The following NUP160 variants were observed in gnomAD, a reference collection of about 807,000 sequenced individuals.
NUP160 encodes the protein nuclear pore complex protein Nup160.
In NUP160, 94 loss-of-function variants were observed where a neutral mutation model predicts 196.9. The observed-to-expected ratio is 0.48, with a 90% confidence interval of 0.40 to 0.57. The LOEUF is 0.57. Ranked by LOEUF, NUP160 falls within the 20% of genes least tolerant of loss-of-function variation. The pLI is 0.00. For missense variants in NUP160, 1,638 were observed against 1,748.3 expected, an observed-to-expected ratio of 0.94 and a Z score of 1.13; for synonymous variants, 605 against 619.7, an observed-to-expected ratio of 0.98 and a Z score of 0.35.
At chr11:47,838,983 G>A (rs557647936) in intron 4 of NUP160, among the ~76,000 whole-genome samples, 6 of 146,900 alleles carry the variant, frequency 4.1e-5, no homozygotes, top group African/African-American at 1.5e-4. Flanking sequence ...CAGCCTGGGC[G>A]ACAGAGAGAA....
At chr11:47,837,072 G>T in intron 5 of NUP160, 71 bp from the exon 6 acceptor site, 1 of 826,466 alleles carries the variant, frequency 1.2e-6, no homozygotes, top group Non-Finnish European at 2.0e-6. Flanking sequence ...TGCAATTCAA[G>T]AAATATAATA....
At chr11:47,815,593 T>A (rs752234780) in exon 13 of NUP160, 1 of 1,612,880 alleles carries the variant, frequency 6.2e-7, no homozygotes, top group Admixed American at 1.7e-5. Flanking sequence ...AGAATTCTTG[T>A]TGTAAATTTC....
intron 20 of NUP160, among the ~76,000 whole-genome samples, chr11:47,805,505 C>T (rs529845160): frequency 2.0e-3 from 290 of 143,126 alleles, no homozygotes; most frequent in Middle Eastern, 0.017. Flanking sequence ...AGTGCAGTGG[C>T]GCAATCTCGG....
intron 7 of NUP160, among the ~76,000 whole-genome samples, chr11:47,832,465 T>C (rs1226982488): frequency 6.6e-6 from 1 of 152,200 alleles, no homozygotes; most frequent in Admixed American, 6.5e-5. Context: ...AACATCACCA[T>C]TGTAGCACCT....
At chr11:47,792,548 GTCT>G (rs1343609174) in intron 28 of NUP160, 1 of 414,814 alleles carries the variant, frequency 2.4e-6, no homozygotes, top group East Asian at 4.6e-5. Context: ...ATTGGGTCAG[GTCT>G]AACTCCAAAA....
chr11:47,806,531 A>G, intron 19 of NUP160: 1 of 458,918 alleles, frequency 2.2e-6, no homozygotes, highest in Non-Finnish European at 3.9e-6. Flanking sequence ...CATCAAAGTT[A>G]TAGTCATTTC....
At chr11:47,807,559 C>G (rs2097678446) in intron 18 of NUP160, among the ~76,000 whole-genome samples, 1 of 151,920 alleles carries the variant, frequency 6.6e-6, no homozygotes, top group African/African-American at 2.4e-5. Context: ...CTCAGCTACT[C>G]TGGAAGCTGA....
intron 34 of NUP160, among the ~76,000 whole-genome samples, chr11:47,782,574 T>C (rs1002046345): frequency 4.0e-5 from 6 of 151,480 alleles, no homozygotes; most frequent in Admixed American, 1.3e-4. Context: ...TAATACACTG[T>C]TGAATATCTT....
chr11:47,812,941 G>A lies in NUP160; in HGVS notation c.1893C>T (p.Asn631=), dbSNP rs768024395. 11 of 1,613,430 alleles carry A rather than the reference G, an allele frequency of 6.8e-6. No individual in the cohort carries two copies. In the East Asian group the frequency reaches 1.6e-4, roughly 23 times the overall value. Residue 631 remains asparagine, a synonymous_variant, in exon 15 of 36, where the codon AAC becomes AAT. Transcript: ENST00000378460. ...CTGCAGCCTTTTCCGGAGACTGTAG[G>A]TTATAACAACTCATTTCCATTATAA...
chr11:47,785,549 C>A (rs1226489078), intron 32 of NUP160, among the ~76,000 whole-genome samples: 1 of 152,140 alleles, frequency 6.6e-6, no homozygotes, highest in Non-Finnish European at 1.5e-5. Flanking sequence ...GTCTTGGGTT[C>A]GTATATTCCT....
chr11:47,797,420 G>A (rs1249248053), intron 27 of NUP160, among the ~76,000 whole-genome samples: 1 of 151,966 alleles, frequency 6.6e-6, no homozygotes, highest in African/African-American at 2.4e-5. Context: ...TGTATTTTTA[G>A]TAGAGAAGGG....
intron 7 of NUP160, 86 bp from the exon 8 acceptor site, chr11:47,822,250 T>G: frequency 1.1e-6 from 1 of 931,566 alleles, no homozygotes; most frequent in Non-Finnish European, 1.6e-6. Flanking sequence ...TTCAGAAACC[T>G]TTAAAAAAAA....
intron 6 of NUP160, among the ~76,000 whole-genome samples, chr11:47,836,322 T>C (rs1852174947): frequency 6.6e-6 from 1 of 152,206 alleles, no homozygotes; most frequent in African/African-American, 2.4e-5. Flanking sequence ...AGATCAGACT[T>C]ATATAAAATA....
intron 4 of NUP160, chr11:47,839,439 T>A (rs1852250925): frequency 5.0e-6 from 1 of 198,284 alleles, no homozygotes; most frequent in Non-Finnish European, 1.0e-5. Context: ...TGAAGAGGGT[T>A]AAGACAGATC....
chr11:47,813,046 A>T lies in NUP160; in HGVS notation c.1788T>A (p.Asp596Glu), dbSNP rs375035297. The change falls in exon 15 of 36, where the codon GAT (aspartate) becomes GAA (glutamate). Residue 596 changes from aspartate (D) to glutamate (E), a missense_variant and splice_region_variant. Around this residue, in one of 3 missense-constraint regions of NUP160, gnomAD observed 1,345 missense variants for 1,470.2 expected, o/e 0.91. Coordinates refer to ENST00000378460, the Ensembl canonical transcript of NUP160. Reference sequence around the variant, plus strand: ...ATATGACATCCCGAGCGATGTCCACATCTACAAATAAGAGAAAGTTAACAT... The same window carrying T: ...ATATGACATCCCGAGCGATGTCCACTTCTACAAATAAGAGAAAGTTAACAT... The T allele has an allele frequency of 4.5e-5, 71 of 1,590,608 alleles. No individual in the cohort carries two copies. Among genetic ancestry groups the T allele is most frequent in the Non-Finnish European group, 6.1e-5 (71 of 1,163,062 alleles).
intron 7 of NUP160, among the ~76,000 whole-genome samples, chr11:47,832,253 T>C (rs557461426): frequency 1.3e-5 from 2 of 152,238 alleles, no homozygotes; most frequent in South Asian, 4.1e-4. Context: ...TTCCTGAGCA[T>C]GGGCAAGGCT....
At chr11:47,820,617 T>C (rs1340431858) in intron 9 of NUP160, among the ~76,000 whole-genome samples, 3 of 152,104 alleles carry the variant, frequency 2.0e-5, no homozygotes, top group Admixed American at 1.3e-4. Flanking sequence ...AATGGCATGA[T>C]CTTGGCTCAC....
chr11:47,802,422 G>C (rs1321067513), intron 22 of NUP160, among the ~76,000 whole-genome samples: 2 of 151,750 alleles, frequency 1.3e-5, no homozygotes, highest in Non-Finnish European at 2.9e-5. Context: ...CTGGGTGACA[G>C]AGCAAGACTG....
At chr11:47,780,770 G>A (rs2097660283) in intron 34 of NUP160, among the ~76,000 whole-genome samples, 1 of 151,722 alleles carries the variant, frequency 6.6e-6, no homozygotes, top group South Asian at 2.1e-4. Context: ...TCAAACTCCT[G>A]GCCTCAAGTG....
Sources: allele counts gnomAD v4.1 joint callset (sites outside exome capture counted in the v4.1 genomes callset), GRCh38; gene constraint gnomAD v4.1.1; regional missense constraint gnomAD v4.1.1; transcripts MANE v1.5; gene names NCBI Gene and HGNC (gene_info 2026-07-23, HGNC 2026-07-21).